Variants in DIAPH2 observed in about 807,000 individuals in gnomAD.
The protein encoded by DIAPH2 is protein diaphanous homolog 2.
DIAPH2 carries 35 observed loss-of-function variants against 92.7 expected under a neutral mutation model. The observed-to-expected ratio is 0.38, with a 90% CI of 0.29 to 0.50. The LOEUF (loss-of-function observed/expected upper bound fraction) is 0.50, where lower values mean the gene tolerates loss of function less well. Ranked by LOEUF, DIAPH2 falls within the 20% of genes least tolerant of loss-of-function variation. The pLI is 0.94. For synonymous variants in DIAPH2, 301 were observed against 280.4 expected, an observed-to-expected ratio of 1.07 and a Z score of -0.73; for missense variants, 701 against 819.5, an observed-to-expected ratio of 0.86 and a Z score of 1.77.
intron 23 of DIAPH2, among the ~76,000 whole-genome samples, chrX:97,335,084 C>G (rs1000529932): frequency 1.9e-5 from 2 of 107,540 alleles, no homozygotes; most frequent in East Asian, 5.9e-4. Context: ...CACATACTAT[C>G]TAGATGGCGA....
At chrX:97,065,585 C>T (rs1330611093) in intron 17 of DIAPH2, among the ~76,000 whole-genome samples, 1 of 110,676 alleles carries the variant, frequency 9.0e-6, no homozygotes, top group Non-Finnish European at 1.9e-5. Flanking sequence ...GTGTACAGTA[C>T]ATAATACTTG....
At chrX:97,432,650 C>G (rs2070139738) in intron 26 of DIAPH2, among the ~76,000 whole-genome samples, 1 of 111,379 alleles carries the variant, frequency 9.0e-6, no homozygotes, top group African/African-American at 3.3e-5. Context: ...CCACGTCCAG[C>G]TAGTTTTTGT....
At chrX:97,397,080 G>A in intron 25 of DIAPH2, among the ~76,000 whole-genome samples, 2 of 111,678 alleles carry the variant, frequency 1.8e-5, no homozygotes, top group South Asian at 7.5e-4. Flanking sequence ...ATCTTAACTT[G>A]TTAGTGGGAT....
intron 25 of DIAPH2, among the ~76,000 whole-genome samples, chrX:97,420,970 C>A (rs946150318): frequency 5.3e-5 from 6 of 112,271 alleles, no homozygotes; most frequent in African/African-American, 1.9e-4. Context: ...AGACTATTAT[C>A]TTAGTTACCA....
rs183601607 is a variant in DIAPH2, at chrX:97,072,088, T to G, written c.2051-853T>G. ...AACTGCCAACACTTGAGTACAATGG[T>G]AGCTGTAAAATTTCTATACCGGAGG... On this transcript the variant is annotated intron_variant, in intron 17 of 26. Transcript: ENST00000324765. Among the ~76,000 whole-genome samples the G allele has an allele frequency of 1.3e-3, 148 of 111,877 alleles. 1 individual carries two copies. Among genetic ancestry groups the G allele is most frequent in the African/African-American group, 4.7e-3 (146 of 30,819 alleles).
At chrX:97,077,334 A>G (rs576786304) in intron 19 of DIAPH2, among the ~76,000 whole-genome samples, 3 of 112,348 alleles carry the variant, frequency 2.7e-5, no homozygotes, top group South Asian at 7.4e-4. Flanking sequence ...ATGGAAAAGT[A>G]ACATCAATTT....
intron 4 of DIAPH2, among the ~76,000 whole-genome samples, chrX:96,854,267 T>G (rs1569413239): frequency 9.1e-6 from 1 of 110,104 alleles, no homozygotes; most frequent in Non-Finnish European, 1.9e-5. Flanking sequence ...TTTAAGCAGT[T>G]AAAGGCAGTG....
chrX:96,815,516 G>T (rs1032924255), intron 4 of DIAPH2, among the ~76,000 whole-genome samples: 3 of 111,952 alleles, frequency 2.7e-5, no homozygotes, highest in African/African-American at 9.7e-5. Flanking sequence ...GCTTCGTCTC[G>T]CCCTCCGTGG....
chrX:96,870,292 C>T (rs2065131515), intron 4 of DIAPH2, among the ~76,000 whole-genome samples: 1 of 110,365 alleles, frequency 9.1e-6, no homozygotes, highest in South Asian at 3.9e-4. Context: ...GACAGAGTCT[C>T]GCTCTGTCAC....
chrX:97,365,946 C>T (rs1033896310), intron 24 of DIAPH2, among the ~76,000 whole-genome samples: 2 of 111,153 alleles, frequency 1.8e-5, no homozygotes, highest in African/African-American at 6.5e-5. Context: ...GTGTACTACC[C>T]GCCTCAGCCT....
At chrX:97,276,881 G>C in intron 23 of DIAPH2, among the ~76,000 whole-genome samples, 1 of 112,346 alleles carries the variant, frequency 8.9e-6, no homozygotes. Flanking sequence ...AAGGTGACTA[G>C]ATCTTCAAGG....
chrX:97,385,946 C>T (rs2069595552), intron 25 of DIAPH2, among the ~76,000 whole-genome samples: 1 of 111,782 alleles, frequency 8.9e-6, no homozygotes. Flanking sequence ...AGATTTGAAC[C>T]CAGGCAGTGT....
chrX:97,070,756 G>C (rs1171655206), intron 17 of DIAPH2, among the ~76,000 whole-genome samples: 1 of 111,643 alleles, frequency 9.0e-6, no homozygotes, highest in Non-Finnish European at 1.9e-5. Flanking sequence ...TTTAAGCCAA[G>C]TTATATAACA....
chrX:96,979,597 C>G (rs2065981802), intron 17 of DIAPH2, among the ~76,000 whole-genome samples: 1 of 112,218 alleles, frequency 8.9e-6, no homozygotes, highest in Non-Finnish European at 1.9e-5. Context: ...CGTCTTGACT[C>G]ATTCACCTCC....
At chrX:97,341,377 A>G (rs2069112775) in intron 23 of DIAPH2, 1 of 111,070 alleles carries the variant, frequency 9.0e-6, no homozygotes, top group African/African-American at 3.3e-5. Context: ...TTTTCTTTAA[A>G]CCGTATTCTT....
chrX:96,818,027 G>T (rs2064749757), intron 4 of DIAPH2, among the ~76,000 whole-genome samples: 1 of 58,649 alleles, frequency 1.7e-5, no homozygotes, highest in Non-Finnish European at 3.1e-5. Context: ...TGTCGCCCAG[G>T]CTGGAGTGCA....
intron 21 of DIAPH2, among the ~76,000 whole-genome samples, chrX:97,139,438 CTG>C (rs1235880456): frequency 3.7e-5 from 4 of 106,786 alleles, no homozygotes; most frequent in African/African-American, 1.4e-4. Context: ...AAAATGGTCT[CTG>C]TGTGTTTTTT....
intron 26 of DIAPH2, among the ~76,000 whole-genome samples, chrX:97,438,679 G>C (rs903645697): frequency 9.1e-6 from 1 of 110,472 alleles, no homozygotes; most frequent in African/African-American, 3.3e-5. Flanking sequence ...GCCACACCAA[G>C]AGCCAGGATA....
At chrX:96,738,876 C>A (rs1036466551) in intron 3 of DIAPH2, 114 bp downstream of exon 3, 7 of 534,566 alleles carry the variant, frequency 1.3e-5, no homozygotes, top group Non-Finnish European at 1.9e-5. Flanking sequence ...AAAGAAGAGA[C>A]CAGAAACTTG....
Sources: gnomAD v4.1 joint callset for allele counts (sites outside exome capture counted in the v4.1 genomes callset) on GRCh38, gnomAD v4.1.1 for gene constraint, MANE v1.5 for transcripts, NCBI Gene and HGNC (gene_info 2026-07-23, HGNC 2026-07-21) for gene names.